Variants in IL7 observed in about 807,000 individuals in gnomAD.
The protein encoded by IL7 is interleukin-7.
IL7 carries 3 observed loss-of-function variants against 21.6 expected under a neutral mutation model. The ratio of observed to expected loss-of-function variants is 0.14; its 90% confidence interval spans 0.06 to 0.36. IL7 has a LOEUF of 0.36. IL7 is among the 10% of genes least tolerant of loss of function. The probability of loss-of-function intolerance (pLI) is 1.00; values close to 1 mark genes in which losing one functional copy is unlikely to be tolerated. For missense variants in IL7, 175 were observed against 200.2 expected, an observed-to-expected ratio of 0.87 and a Z score of 0.76; for synonymous variants, 62 against 68.1, an observed-to-expected ratio of 0.91 and a Z score of 0.44.
intron 3 of IL7, among the ~76,000 whole-genome samples, chr8:78,712,366 C>T (rs1810977736): frequency 6.6e-6 from 1 of 151,978 alleles, no homozygotes; most frequent in Non-Finnish European, 1.5e-5. Context: ...ATTGCAGTCA[C>T]ATTTAATAAT....
chr8:78,741,092 G>C (rs1811765099), intron 2 of IL7, among the ~76,000 whole-genome samples: 1 of 152,104 alleles, frequency 6.6e-6, no homozygotes, highest in South Asian at 2.1e-4. Flanking sequence ...AAGAAGTGGA[G>C]CAATGGCAGG....
chr8:78,729,133 A>G (rs1811380589), downstream of IL7, among the ~76,000 whole-genome samples: 4 of 152,032 alleles, frequency 2.6e-5, 1 homozygote, highest in South Asian at 8.3e-4. Context: ...TTTGAGACCA[A>G]TAAAATATTT....
chr8:78,763,134 A>C (rs1339016350), intron 2 of IL7, among the ~76,000 whole-genome samples: 1 of 152,198 alleles, frequency 6.6e-6, no homozygotes, highest in Non-Finnish European at 1.5e-5. Context: ...GCTGCACACA[A>C]GCACTGTCAG....
intron 2 of IL7, among the ~76,000 whole-genome samples, chr8:78,758,592 C>T (rs902283982): frequency 3.3e-5 from 5 of 151,992 alleles, no homozygotes; most frequent in African/African-American, 1.2e-4. Flanking sequence ...TGTTATTTCT[C>T]CATCCTTTTT....
intron 2 of IL7, 198 bp downstream of exon 2, chr8:78,797,874 T>G (rs1813913718): frequency 7.0e-6 from 3 of 429,934 alleles, no homozygotes; most frequent in Non-Finnish European, 1.2e-5. Flanking sequence ...AATCTTAGAG[T>G]CGAGGAAAGA....
Position 78,689,149 on chromosome 8 carries a change from A to G in IL7, n.215-3202T>C, listed in dbSNP as rs528487547. 2.6e-3 allele frequency: 3,062 copies of G among 1,178,858 alleles called. 9 individuals are homozygous for G. The highest frequency in any genetic ancestry group is 3.3e-3 in the Non-Finnish European group (2,945 of 900,494). The allele number at this position is 1,178,858 out of a possible 1,614,324, so 73.0% of individuals were successfully genotyped here. ...ACTTATATTTTTTGAATGACTGCAT[A>G]GAAACTTAAGATTTTTTAATGTCCG... On this transcript the variant is annotated intron_variant and non_coding_transcript_variant, in intron 3 of 4. Coordinates refer to the IL7 transcript ENST00000523959.
chr8:78,761,789 TCAC>T (rs1381467903), intron 2 of IL7: 2 of 1,611,898 alleles, frequency 1.2e-6, no homozygotes, highest in Non-Finnish European at 1.7e-6. Flanking sequence ...CAGAACCTCT[TCAC>T]CAGAATTTAT....
chr8:78,805,077 C>T lies in IL7; in HGVS notation c.-155G>A, dbSNP rs1814281409. The stretch of plus-strand genomic sequence containing the variant: ...CTGCAGCTGGTTCCTCTTACCCACG[C>T]CGCGACTGCAGTTTCATCCATCCCA... On this transcript the variant is annotated 5_prime_UTR_variant, in exon 1 of 6. Transcript: ENST00000263851. 3 of 710,924 alleles carry T rather than the reference C, an allele frequency of 4.2e-6. No homozygotes were observed. The African/African-American group carries it at 5.5e-5, about 13-fold the overall frequency. The allele number at this position is 710,924 out of a possible 1,614,324, so 44.0% of individuals were successfully genotyped here.
chr8:78,740,498 G>A (rs1267445223), intron 2 of IL7, among the ~76,000 whole-genome samples: 2 of 152,176 alleles, frequency 1.3e-5, no homozygotes, highest in African/African-American at 4.8e-5. Context: ...ATTTATATTA[G>A]AATGAAGGGA....
At chr8:78,783,947 C>T (rs927772919) in intron 2 of IL7, among the ~76,000 whole-genome samples, 1 of 152,074 alleles carries the variant, frequency 6.6e-6, no homozygotes, top group Admixed American at 6.6e-5. Flanking sequence ...AATAAGCGAG[C>T]CATTAGGTAA....
chr8:78,768,039 T>C (rs1188477026), intron 2 of IL7, among the ~76,000 whole-genome samples: 1 of 152,098 alleles, frequency 6.6e-6, no homozygotes, highest in Non-Finnish European at 1.5e-5. Flanking sequence ...TTTGTTCTTG[T>C]GATAGTTTAC....
At chr8:78,739,859 C>A in intron 3 of IL7, 143 bp downstream of exon 3, 2 of 651,616 alleles carry the variant, frequency 3.1e-6, no homozygotes, top group Non-Finnish European at 2.2e-6. Context: ...AAAATTGGGC[C>A]ATAGTATGAT....
At chr8:78,680,458 A>C (rs1041235494) in intron 4 of IL7, among the ~76,000 whole-genome samples, 2 of 152,178 alleles carry the variant, frequency 1.3e-5, no homozygotes, top group African/African-American at 4.8e-5. Context: ...ATACTGAATT[A>C]GAATTATTTT....
chr8:78,698,596 C>T (rs901804702), intron 3 of IL7: 1 of 994,548 alleles, frequency 1.0e-6, no homozygotes, highest in African/African-American at 1.7e-5. Context: ...ATTGCTTTTT[C>T]ATTCATCTTC....
At chr8:78,746,162 T>G (rs1023739714) in intron 2 of IL7, among the ~76,000 whole-genome samples, 1 of 152,214 alleles carries the variant, frequency 6.6e-6, no homozygotes, top group Admixed American at 6.5e-5. Flanking sequence ...CTCTGTCCAT[T>G]AATGTTGAGT....
At chr8:78,737,740 A>C (rs1321691538) in intron 4 of IL7, among the ~76,000 whole-genome samples, 1 of 152,184 alleles carries the variant, frequency 6.6e-6, no homozygotes, top group Non-Finnish European at 1.5e-5. Flanking sequence ...ATTTAAGAAA[A>C]TATTTAAAAC....
At chr8:78,735,506 C>T (rs776803294) in intron 5 of IL7, among the ~76,000 whole-genome samples, 13 of 152,020 alleles carry the variant, frequency 8.6e-5, no homozygotes, top group South Asian at 2.1e-4. Flanking sequence ...GACGGGGTTT[C>T]ACCATGTTGG....
chr8:78,794,143 T>C (rs1813781538), intron 2 of IL7, among the ~76,000 whole-genome samples: 1 of 152,150 alleles, frequency 6.6e-6, no homozygotes, highest in Non-Finnish European at 1.5e-5. Flanking sequence ...ATGTGGATAT[T>C]TTGACCTCCT....
At chr8:78,699,008 A>T (rs994869477) in intron 3 of IL7, among the ~76,000 whole-genome samples, 1 of 152,174 alleles carries the variant, frequency 6.6e-6, no homozygotes. Flanking sequence ...CGTTTTTATT[A>T]TAATGTTAGA....
Sources: gnomAD v4.1 joint callset for allele counts (sites outside exome capture counted in the v4.1 genomes callset) on GRCh38, gnomAD v4.1.1 for gene constraint, MANE v1.5 for transcripts, NCBI Gene and HGNC (gene_info 2026-07-23, HGNC 2026-07-21) for gene names.